The following FAM13C variants were observed in gnomAD, a reference collection of about 807,000 sequenced individuals.
FAM13C encodes the protein family with sequence similarity 13 member C.
In FAM13C, 37 loss-of-function variants were observed where a neutral mutation model predicts 73.2. That is an observed-to-expected ratio of 0.51 (90% CI 0.39 to 0.67). The LOEUF is 0.67. Among genes scored for constraint, FAM13C ranks in the 30% least tolerant of loss-of-function variants. The pLI, the probability that FAM13C is intolerant of heterozygous loss-of-function variation, is 0.00. For missense variants in FAM13C, 589 were observed against 715.6 expected (o/e 0.82, Z 2.02); for synonymous variants, 246 against 260.9 (o/e 0.94, Z 0.55).
At chr10:59,269,815 T>C in intron 7 of FAM13C, 84 bp downstream of exon 7, 1 of 1,473,664 alleles carries the variant, frequency 6.8e-7, no homozygotes, top group Non-Finnish European at 9.3e-7. Context: ...TTTGTGCTAC[T>C]TCAGTCACAC....
At chr10:59,349,655 T>A (rs1260996091) in intron 3 of FAM13C, among the ~76,000 whole-genome samples, 1 of 151,702 alleles carries the variant, frequency 6.6e-6, no homozygotes, top group Non-Finnish European at 1.5e-5. Context: ...CTCCATTACT[T>A]GGGAGGTTGA....
At chr10:59,257,378 A>G (rs1260238438) in intron 10 of FAM13C, among the ~76,000 whole-genome samples, 6 of 152,210 alleles carry the variant, frequency 3.9e-5, no homozygotes, top group African/African-American at 1.2e-4. Flanking sequence ...GTTGTTTAGG[A>G]AAAAGCTGCC....
intron 5 of FAM13C, among the ~76,000 whole-genome samples, chr10:59,286,728 C>T (rs572005521): frequency 6.6e-6 from 1 of 151,262 alleles, no homozygotes; most frequent in South Asian, 2.1e-4. Flanking sequence ...CACTGAACTA[C>T]ACACTTAAAA....
intron 8 of FAM13C, among the ~76,000 whole-genome samples, chr10:59,265,244 A>G (rs1399950121): frequency 6.8e-6 from 1 of 147,428 alleles, no homozygotes; most frequent in Non-Finnish European, 1.5e-5. Context: ...AAGATTGACA[A>G]TGTTTCTTTC....
intron 8 of FAM13C, among the ~76,000 whole-genome samples, chr10:59,265,335 G>GGGGGGGGGGGGA (rs78422182): frequency 1.2e-4 from 2 of 16,054 alleles, no homozygotes; most frequent in African/African-American, 2.9e-4. Flanking sequence ...GGGGGGGGGG[G>GGGGGGGGGGGGA]AATCCTGGTT....
At chr10:59,321,219 G>T (rs2134004593) in intron 4 of FAM13C, among the ~76,000 whole-genome samples, 1 of 152,158 alleles carries the variant, frequency 6.6e-6, no homozygotes, top group East Asian at 1.9e-4. Flanking sequence ...CTATTCACAT[G>T]AATCCTTAAA....
chr10:59,352,587 CG>C (rs2134264221), intron 2 of FAM13C, 113 bp from the exon 3 acceptor site: 2 of 1,190,770 alleles, frequency 1.7e-6, no homozygotes, highest in African/African-American at 3.1e-5. Context: ...ATAGACACCT[CG>C]CAAAATTTTT....
intron 9 of FAM13C, 119 bp from the exon 10 acceptor site, chr10:59,262,764 G>A: frequency 1.2e-6 from 1 of 820,916 alleles, no homozygotes. Flanking sequence ...ACTAATGATG[G>A]CTTTCCACAG....
rs945142691 is a variant in FAM13C at position 59,259,816 on chromosome 10, C to A, written c.1236+2618G>T. Among the ~76,000 whole-genome samples the A allele has an allele frequency of 7.2e-5, 11 of 152,262 alleles. 1 individual carries two copies. The highest frequency in any genetic ancestry group is 1.3e-4 in the Non-Finnish European group (9 of 68,016). The stretch of plus-strand genomic sequence containing the variant: ...TCTTCCGACTCTCATTTGCATGTGT[C>A]TATTTGACTTACATGCCTCAGTAGG... On this transcript the variant is annotated intron_variant, in intron 10 of 13. Transcript: ENST00000618804.
intron 4 of FAM13C, among the ~76,000 whole-genome samples, chr10:59,316,440 C>T (rs1216805304): frequency 6.6e-6 from 1 of 152,140 alleles, no homozygotes; most frequent in Non-Finnish European, 1.5e-5. Context: ...GATTTCATTA[C>T]ATAAATGATG....
rs750658510 is a variant in FAM13C at position 59,288,261 on chromosome 10, G to A, written c.508-4814C>T. ...AATCCCAGCACTTTGGGAGGCCGAG[G>A]TGGGTGGATCATTTGAGGTCAGGAG... is the stretch of plus-strand genomic sequence containing the variant. On this transcript the variant is annotated intron_variant, in intron 5 of 13. Coordinates refer to ENST00000618804, the MANE Select transcript of FAM13C (RefSeq NM_198215.4). Among the ~76,000 whole-genome samples the A allele has an allele frequency of 2.7e-4, 41 of 152,280 alleles. 1 individual carries two copies. Among genetic ancestry groups the A allele is most frequent in the South Asian group, 2.1e-4 (1 of 4,826 alleles).
chr10:59,348,775 A>G (rs1589710776), intron 3 of FAM13C, among the ~76,000 whole-genome samples: 1 of 152,236 alleles, frequency 6.6e-6, no homozygotes, highest in Middle Eastern at 3.4e-3. Context: ...AGCTGGGACT[A>G]TAGGCGTGCA....
At chr10:59,298,173 CG>C (rs1199016317) in intron 5 of FAM13C, among the ~76,000 whole-genome samples, 3 of 152,110 alleles carry the variant, frequency 2.0e-5, no homozygotes, top group Non-Finnish European at 2.9e-5. Flanking sequence ...AGAGGATAAA[CG>C]ATAGTGATGG....
chr10:59,318,983 T>C (rs1849863193), intron 4 of FAM13C, among the ~76,000 whole-genome samples: 1 of 152,082 alleles, frequency 6.6e-6, no homozygotes, highest in South Asian at 2.1e-4. Context: ...GCTCATTCTC[T>C]TATTCATTCT....
In FAM13C at chr10:59,335,945, C is replaced by A. The variant is rs144961000; in HGVS notation, c.325-11839G>T. Among the ~76,000 whole-genome samples the A allele has an allele frequency of 1.3e-4, 20 of 152,288 alleles. No homozygotes were observed. The East Asian group carries it at 3.7e-3, about 28-fold the overall frequency. On this transcript the variant is annotated intron_variant, in intron 3 of 13. Transcript: ENST00000618804. ...TTAAGTGATGATTTAGAGAGAAAAG[C>A]TTTTTTGAATCAAAGCAGATATTTT...
intron 4 of FAM13C, among the ~76,000 whole-genome samples, chr10:59,311,834 T>G (rs193020008): frequency 2.6e-5 from 4 of 152,096 alleles, no homozygotes; most frequent in African/African-American, 9.7e-5. Flanking sequence ...AGACCCCAGT[T>G]GCTCAGAGTG....
At chr10:59,306,657 C>A (rs1390997082) in intron 4 of FAM13C, among the ~76,000 whole-genome samples, 1 of 152,152 alleles carries the variant, frequency 6.6e-6, no homozygotes, top group Admixed American at 6.5e-5. Context: ...AGGTGGATTG[C>A]CTGAGCTCAG....
At chr10:59,298,341 G>A (rs1847162933) in intron 5 of FAM13C, among the ~76,000 whole-genome samples, 1 of 152,178 alleles carries the variant, frequency 6.6e-6, no homozygotes, top group Non-Finnish European at 1.5e-5. Flanking sequence ...GAAGTAAAAT[G>A]TAAACAAACT....
intron 1 of FAM13C, among the ~76,000 whole-genome samples, chr10:59,361,942 A>C (rs1856470674): frequency 6.6e-6 from 1 of 152,160 alleles, no homozygotes; most frequent in African/African-American, 2.4e-5. Context: ...TATGCCTTAA[A>C]AATCTGTAGA....
Sources: allele counts gnomAD v4.1 joint callset (sites outside exome capture counted in the v4.1 genomes callset), GRCh38; gene constraint gnomAD v4.1.1; transcripts MANE v1.5; gene names NCBI Gene and HGNC (gene_info 2026-07-23, HGNC 2026-07-21).